OSBPL5: variants seen among roughly 807,000 people sequenced by gnomAD.
The protein encoded by OSBPL5 is oxysterol binding protein like 5.
Under a neutral mutation model 111.2 loss-of-function variants are expected in OSBPL5, and 71 were observed. That is an observed-to-expected ratio of 0.64 (90% CI 0.53 to 0.78). The LOEUF is 0.78. Ranked by LOEUF, OSBPL5 falls within the 30% of genes least tolerant of loss-of-function variation. The pLI, the probability that OSBPL5 is intolerant of heterozygous loss-of-function variation, is 0.00. For missense variants in OSBPL5, 1,210 were observed against 1,189.3 expected, an observed-to-expected ratio of 1.02 and a Z score of -0.26; for synonymous variants, 549 against 513.9, an observed-to-expected ratio of 1.07 and a Z score of -0.93.
rs552723087 is a variant in OSBPL5 at position 3,103,485 on chromosome 11, G to A, written c.1245-165C>T. On this transcript the variant is annotated intron_variant, in intron 10 of 21. Transcript: ENST00000263650. ...CCCCCAAGCAGGATAATTTTCTCTG[G>A]GGAAGTGGGTTCTTCTAATCAGAAA... Among the ~76,000 whole-genome samples the A allele has an allele frequency of 1.5e-3, 222 of 152,300 alleles. 3 individuals carry two copies. The highest frequency in any genetic ancestry group is 1.8e-3 in the Non-Finnish European group (122 of 68,016).
At chr11:3,138,110 G>A (rs1363634150) in intron 1 of OSBPL5, among the ~76,000 whole-genome samples, 1 of 152,204 alleles carries the variant, frequency 6.6e-6, no homozygotes, top group African/African-American at 2.4e-5. Context: ...TGTGCCTGTG[G>A]GCCCGGCCAG....
At position 3,088,196 on chromosome 11, in the gene OSBPL5, T is replaced by C. The variant is rs10160757; in HGVS notation, c.*9A>G. ...TCAGGACCGGCCAGGAGCTCTGCCC[T>C]CAGGGCTCCTATTTGAGGATGTGGT... On this transcript the variant is annotated 3_prime_UTR_variant, in exon 22 of 22. Coordinates refer to ENST00000263650, the MANE Select transcript of OSBPL5 (RefSeq NM_020896.4). The C allele has an allele frequency of 0.82, 1,289,821 of 1,569,650 alleles. 531,127 individuals carry two copies. Among genetic ancestry groups the C allele is most frequent in the African/African-American group, 0.9 (66,668 of 73,896 alleles).
intron 14 of OSBPL5, among the ~76,000 whole-genome samples, chr11:3,095,324 A>AG (rs1309884575): frequency 3.3e-5 from 5 of 150,110 alleles, no homozygotes; most frequent in Admixed American, 2.0e-4. Context: ...AAAAAAAAAA[A>AG]AAAAGAAAAG....
intron 7 of OSBPL5, among the ~76,000 whole-genome samples, chr11:3,111,542 GT>G (rs1220757235): frequency 1.3e-5 from 2 of 152,076 alleles, no homozygotes. Flanking sequence ...TCGCTTAACT[GT>G]TTTTTTGTTG....
At chr11:3,148,868 A>G (rs149329614) in intron 1 of OSBPL5, among the ~76,000 whole-genome samples, 1 of 152,350 alleles carries the variant, frequency 6.6e-6, no homozygotes, top group East Asian at 1.9e-4. Context: ...TAACCGGCAC[A>G]AGATAAAAGA....
chr11:3,088,741 G>C (rs1856958254), intron 21 of OSBPL5, among the ~76,000 whole-genome samples: 1 of 152,124 alleles, frequency 6.6e-6, no homozygotes, highest in Non-Finnish European at 1.5e-5. Flanking sequence ...TATTTAAATG[G>C]AGACCATTAG....
intron 15 of OSBPL5, 26 bp downstream of exon 15, chr11:3,094,211 C>T: frequency 1.2e-6 from 2 of 1,607,006 alleles, no homozygotes; most frequent in Non-Finnish European, 1.7e-6. Flanking sequence ...CTGGCCTCGT[C>T]TCCCCCAGGC....
At chr11:3,134,979 C>T (rs568345686) in intron 1 of OSBPL5, among the ~76,000 whole-genome samples, 12 of 152,306 alleles carry the variant, frequency 7.9e-5, no homozygotes, top group South Asian at 4.1e-4. Flanking sequence ...CCATGGAAGG[C>T]CCCCCTTTCT....
chr11:3,149,627 G>T (rs1846500033), intron 1 of OSBPL5, among the ~76,000 whole-genome samples: 1 of 152,332 alleles, frequency 6.6e-6, no homozygotes, highest in Non-Finnish European at 1.5e-5. Context: ...GATCTGATTT[G>T]GTCCTCACGG....
At chr11:3,112,123 G>GCGCGCA (rs1858014729) in intron 7 of OSBPL5, among the ~76,000 whole-genome samples, 1 of 146,982 alleles carries the variant, frequency 6.8e-6, no homozygotes, top group South Asian at 2.2e-4. Context: ...ATGTGTGTGT[G>GCGCGCA]TGCGCATATG....
Position 3,092,375 on chromosome 11 carries a change from G to C in OSBPL5, c.2259+57C>G. On this transcript the variant is annotated intron_variant, in intron 19 of 21. Coordinates refer to ENST00000263650, the MANE Select transcript of OSBPL5 (RefSeq NM_020896.4). This position sits in a 1 kb window ranked among gnomAD's most constrained non-coding sequence, Gnocchi z 5.4. ...GGAGTGAGGTGAGGAGCGAGGGGTG[G>C]TGGTGGCCACACGTGCAGCTAAGAC... 6.6e-7 allele frequency: 1 copy of C among 1,509,834 alleles called. No individual in the cohort carries two copies. Among genetic ancestry groups the C allele is most frequent in the Non-Finnish European group, 8.9e-7 (1 of 1,124,024 alleles). The allele number at this position is 1,509,834 out of a possible 1,614,324, so 93.5% of individuals were successfully genotyped here.
rs1397869079 is a variant in OSBPL5, at chr11:3,161,220, CA to C, written c.-22+3995del. The C allele has an allele frequency of 2.0e-5, 3 of 152,256 alleles. No homozygotes were observed. Among genetic ancestry groups the C allele is most frequent in the African/African-American group, 7.2e-5 (3 of 41,456 alleles). The allele number at this position is 152,256 out of a possible 1,614,324, so 9.4% of individuals were successfully genotyped here. A position where few individuals can be genotyped will look rare whatever the true frequency, so the allele number is the denominator to read the frequency against. ...CCCTTCATCCTTGTCTTCGTGTCAG[CA>C]GGGTGAGAGGGGATCTATGGACCAG... On this transcript the variant is annotated intron_variant, in intron 1 of 21. Coordinates refer to ENST00000263650, the MANE Select transcript of OSBPL5 (RefSeq NM_020896.4). The surrounding 1 kb of genome is among the most constrained non-coding windows in gnomAD (Gnocchi z 8.0).
rs928535126 is a variant in OSBPL5 at position 3,092,577 on chromosome 11, G to T, written c.2133-19C>A. 2 of 1,570,318 alleles carry T rather than the reference G, an allele frequency of 1.3e-6. No homozygotes were observed. The highest frequency in any genetic ancestry group is 3.6e-5 in the Admixed American group (2 of 55,056). ...GCTGTGGCTGGAGGGTCCAGAGGGCGTTCATCAGCACAGGCAGTGGCCCTC... is the reference window on the plus strand; with the variant it reads ...GCTGTGGCTGGAGGGTCCAGAGGGCTTTCATCAGCACAGGCAGTGGCCCTC... On this transcript the variant is annotated intron_variant, in intron 18 of 21. Transcript: ENST00000263650. The surrounding 1 kb of genome is among the most constrained non-coding windows in gnomAD (Gnocchi z 5.4).
At chr11:3,145,023 G>A (rs546468752) in intron 1 of OSBPL5, among the ~76,000 whole-genome samples, 5 of 152,364 alleles carry the variant, frequency 3.3e-5, no homozygotes, top group Admixed American at 6.5e-5. Flanking sequence ...CTAGCCCAGC[G>A]GAGGCCTTTG....
chr11:3,153,272 C>G lies in OSBPL5; in HGVS notation c.-22+11944G>C, dbSNP rs1846647447. 2.0e-5 allele frequency among the ~76,000 whole-genome samples: 3 copies of G among 151,898 alleles called. No homozygotes were observed. In the South Asian group the frequency reaches 6.2e-4, roughly 32 times the overall value. On this transcript the variant is annotated intron_variant, in intron 1 of 21. Transcript: ENST00000263650. ...TAAAGGAGATAAGTCATTCCAAAAGCCTCCATAAAATACATGTTAATCATT... is the reference window on the plus strand; with the variant it reads ...TAAAGGAGATAAGTCATTCCAAAAGGCTCCATAAAATACATGTTAATCATT...
At chr11:3,097,058 GGAAAGGGGGAAGATGGAAGGAGGAGAA>G in intron 14 of OSBPL5, among the ~76,000 whole-genome samples, 2 of 4,544 alleles carry the variant, frequency 4.4e-4, no homozygotes, top group African/African-American at 1.6e-3. Context: ...GAGAAGGAGA[GGAAAGGGGGAAGATGGAAGGAGGAGAA>G]GAGGAAAGAG....
At chr11:3,152,936 C>A (rs1189888468) in intron 1 of OSBPL5, among the ~76,000 whole-genome samples, 1 of 152,188 alleles carries the variant, frequency 6.6e-6, no homozygotes, top group Non-Finnish European at 1.5e-5. Context: ...CCGGTTTGCT[C>A]ACTTTTCTAA....
chr11:3,128,888 A>T, intron 2 of OSBPL5, 125 bp downstream of exon 2: 1 of 944,160 alleles, frequency 1.1e-6, no homozygotes, highest in Non-Finnish European at 1.4e-6. Context: ...TTGATCATGA[A>T]ACCCACACAG....
At position 3,092,342 on chromosome 11, in the gene OSBPL5, G is replaced by A. The variant is rs992665141; in HGVS notation, c.2259+90C>T. 7.0e-7 allele frequency: 1 copy of A among 1,434,690 alleles called. No homozygotes were observed. The highest frequency in any genetic ancestry group is 9.2e-7 in the Non-Finnish European group (1 of 1,084,864). The allele number at this position is 1,434,690 out of a possible 1,614,324, so 88.9% of individuals were successfully genotyped here. ...AGGGCGTGAGGGAAACGGAGCGAGGGGAAGGGAGGAGTGAGGTGAGGAGCG... is the reference window on the plus strand; with the variant it reads ...AGGGCGTGAGGGAAACGGAGCGAGGAGAAGGGAGGAGTGAGGTGAGGAGCG... On this transcript the variant is annotated intron_variant, in intron 19 of 21. Coordinates refer to ENST00000263650, the MANE Select transcript of OSBPL5 (RefSeq NM_020896.4). The surrounding 1 kb of genome is among the most constrained non-coding windows in gnomAD (Gnocchi z 5.4).
Sources: gnomAD v4.1 joint callset for allele counts (sites outside exome capture counted in the v4.1 genomes callset) on GRCh38, gnomAD v4.1.1 for gene constraint, Gnocchi (gnomAD v3.1) non-coding constraint, MANE v1.5 for transcripts, NCBI Gene and HGNC (gene_info 2026-07-23, HGNC 2026-07-21) for gene names.